USP6NL: variants seen among roughly 807,000 people sequenced by gnomAD.
USP6NL encodes USP6 N-terminal-like protein.
In USP6NL, 26 loss-of-function variants were observed where a neutral mutation model predicts 61.9. That is an observed-to-expected ratio of 0.42 (90% CI 0.31 to 0.58). The LOEUF (loss-of-function observed/expected upper bound fraction) is 0.58, where lower values mean the gene tolerates loss of function less well. USP6NL is among the 20% of genes least tolerant of loss of function. The pLI is 0.16. For synonymous variants in USP6NL, 432 were observed against 390.1 expected, an observed-to-expected ratio of 1.11 and a Z score of -1.27; for missense variants, 1,114 against 1,034.3, an observed-to-expected ratio of 1.08 and a Z score of -1.06.
chr10:11,507,768 G>A (rs559413096), intron 6 of USP6NL, among the ~76,000 whole-genome samples: 3 of 152,238 alleles, frequency 2.0e-5, no homozygotes, highest in South Asian at 4.1e-4. Flanking sequence ...CATACTGACT[G>A]CATACTAAAC....
chr10:11,603,680 A>G (rs1471520917), intron 1 of USP6NL, among the ~76,000 whole-genome samples: 2 of 152,244 alleles, frequency 1.3e-5, no homozygotes, highest in African/African-American at 4.8e-5. Flanking sequence ...ATATTAATTC[A>G]GCTCCACAAC....
rs1197297751 is a variant in USP6NL at position 11,587,690 on chromosome 10, C to A, written c.4+9941G>T. The stretch of plus-strand genomic sequence containing the variant: ...CGATTCAATACTGCTATACTTTATA[C>A]CTTCATAGCATTTGTTCAGTAGCAT... On this transcript the variant is annotated intron_variant, in intron 2 of 14. Coordinates refer to ENST00000609104, the MANE Select transcript of USP6NL (RefSeq NM_014688.5). The surrounding 1 kb of genome is among the most constrained non-coding windows in gnomAD (Gnocchi z 4.5). 6.6e-6 allele frequency among the ~76,000 whole-genome samples: 1 copy of A among 152,130 alleles called. No homozygotes were observed. The highest frequency in any genetic ancestry group is 1.5e-5 in the Non-Finnish European group (1 of 68,016).
chr10:11,562,939 A>ATT lies in USP6NL; in HGVS notation c.4+34690_4+34691dup. The stretch of plus-strand genomic sequence containing the variant: ...CTATCCCACAGAAATAAAAATTTAT[A>ATT]TTTATGTCGACACAAAAATCTGAAT... On this transcript the variant is annotated intron_variant, in intron 2 of 14. Transcript: ENST00000609104. This position sits in a 1 kb window ranked among gnomAD's most constrained non-coding sequence, Gnocchi z 4.8. 4.2e-6 allele frequency: 1 copy of ATT among 235,526 alleles called. No homozygotes were observed. Among genetic ancestry groups the ATT allele is most frequent in the Non-Finnish European group, 6.9e-6 (1 of 144,288 alleles). 14.6% of individuals were successfully genotyped at this position (235,526 alleles called of 1,614,324 possible). A position where few individuals can be genotyped will look rare whatever the true frequency, so the allele number is the denominator to read the frequency against.
At position 11,463,767 on chromosome 10, in the gene USP6NL, G is replaced by A. The variant is rs200104973; in HGVS notation, c.1161C>T (p.Asn387=). The change falls in exon 15 of 15, where the codon AAC becomes AAT. Residue 387 remains asparagine, a synonymous_variant. Coordinates refer to ENST00000609104, the MANE Select transcript of USP6NL (RefSeq NM_014688.5). This position sits in a 1 kb window ranked among gnomAD's most constrained non-coding sequence, Gnocchi z 6.3. ...TCGGCCGGCCCACGCTCCTCTGTCC[G>A]TTGCTCAAGTGATGGACGCCCCAAG... is the stretch of plus-strand genomic sequence containing the variant. The part of the protein sequence containing the change: ...LQSWGVHHLS[N]GQRSVGRPSP... The A allele has an allele frequency of 1.4e-4, 216 of 1,555,010 alleles. No homozygotes were observed. In the African/African-American group the frequency reaches 2.4e-3, roughly 17 times the overall value.
intron 2 of USP6NL, among the ~76,000 whole-genome samples, chr10:11,572,738 A>T (rs909063795): frequency 6.6e-6 from 1 of 152,102 alleles, no homozygotes; most frequent in African/African-American, 2.4e-5. Flanking sequence ...TGCTTAATAC[A>T]TGTGAATGCT....
intron 2 of USP6NL, among the ~76,000 whole-genome samples, chr10:11,541,199 ATTTAT>A (rs1186145300): frequency 2.1e-5 from 3 of 140,856 alleles, no homozygotes; most frequent in Non-Finnish European, 4.6e-5. Context: ...AATAAGTAAG[ATTTAT>A]TTTATATAAC....
At position 11,589,748 on chromosome 10, in the gene USP6NL, C is replaced by T. The variant is rs557907148; in HGVS notation, c.4+7883G>A. 1.1e-4 allele frequency among the ~76,000 whole-genome samples: 17 copies of T among 152,292 alleles called. No homozygotes were observed. The highest frequency in any genetic ancestry group is 3.9e-4 in the African/African-American group (16 of 41,552). On this transcript the variant is annotated intron_variant, in intron 2 of 14. Transcript: ENST00000609104. The surrounding 1 kb of genome is among the most constrained non-coding windows in gnomAD (Gnocchi z 4.7). ...GTATTTTTAAAAAGACATTGTGACG[C>T]CAAATGCCCCACAATATAAATGTTA...
Position 11,511,766 on chromosome 10 carries a change from A to T in USP6NL, c.196-2091T>A, listed in dbSNP as rs896188652. ...ACACACACATACACATACAAAAAAAATTAAGGATCATTAAGTATGCTTTTC... is the reference window on the plus strand; with the variant it reads ...ACACACACATACACATACAAAAAAATTTAAGGATCATTAAGTATGCTTTTC... On this transcript the variant is annotated intron_variant, in intron 5 of 14. Transcript: ENST00000609104. The surrounding 1 kb of genome is among the most constrained non-coding windows in gnomAD (Gnocchi z 4.9). 1.3e-5 allele frequency among the ~76,000 whole-genome samples: 2 copies of T among 152,102 alleles called. No individual in the cohort carries two copies. Among genetic ancestry groups the T allele is most frequent in the African/African-American group, 2.4e-5 (1 of 41,438 alleles).
chr10:11,588,898 G>A (rs992756074), intron 2 of USP6NL, among the ~76,000 whole-genome samples: 1 of 152,174 alleles, frequency 6.6e-6, no homozygotes, highest in African/African-American at 2.4e-5. Flanking sequence ...CCAGATAGTA[G>A]AAGTAGAGTT....
At chr10:11,603,061 T>G (rs1311851151) in intron 1 of USP6NL, among the ~76,000 whole-genome samples, 1 of 152,242 alleles carries the variant, frequency 6.6e-6, no homozygotes, top group African/African-American at 2.4e-5. Context: ...GAGGTTTGTT[T>G]ACGCTATTCA....
chr10:11,515,406 T>C (rs1834911725), intron 5 of USP6NL, among the ~76,000 whole-genome samples: 1 of 152,242 alleles, frequency 6.6e-6, no homozygotes. Flanking sequence ...CTGCGTATTG[T>C]GATATAATGA....
intron 14 of USP6NL, among the ~76,000 whole-genome samples, chr10:11,479,123 C>T (rs1833084548): frequency 1.3e-5 from 2 of 152,094 alleles, no homozygotes; most frequent in African/African-American, 4.8e-5. Context: ...GCACTGAAAA[C>T]ATATAAATGT....
At chr10:11,556,830 T>G (rs1226905587) in intron 2 of USP6NL, among the ~76,000 whole-genome samples, 1 of 152,190 alleles carries the variant, frequency 6.6e-6, no homozygotes, top group Non-Finnish European at 1.5e-5. Context: ...TTGTAATACA[T>G]AGAGAGGTCA....
chr10:11,592,079 C>T lies in USP6NL; in HGVS notation c.4+5552G>A, dbSNP rs1337215838. On this transcript the variant is annotated intron_variant, in intron 2 of 14. Transcript: ENST00000609104. The surrounding 1 kb of genome is among the most constrained non-coding windows in gnomAD (Gnocchi z 4.7). ...TAGAGACGGGGTTTCACCATGTTGG[C>T]CAGGCTGGTCTTGAACTCCTGACCT... 2.0e-5 allele frequency among the ~76,000 whole-genome samples: 3 copies of T among 152,116 alleles called. No homozygotes were observed. The highest frequency in any genetic ancestry group is 4.4e-5 in the Non-Finnish European group (3 of 68,018).
chr10:11,566,841 G>C (rs1328440968), intron 2 of USP6NL, among the ~76,000 whole-genome samples: 1 of 152,258 alleles, frequency 6.6e-6, no homozygotes, highest in African/African-American at 2.4e-5. Context: ...GCGGGGCACA[G>C]TGGCTCACGC....
rs1834076002 is a variant in USP6NL, at chr10:11,499,315, T to C, written c.384+1786A>G. Reference sequence around the variant, plus strand: ...GAAGGTACTGGCAGGCAAGTCATTCTTTTGTTGTAGTTGCTGTCAGATTTT... The same window carrying C: ...GAAGGTACTGGCAGGCAAGTCATTCCTTTGTTGTAGTTGCTGTCAGATTTT... On this transcript the variant is annotated intron_variant, in intron 7 of 14. Coordinates refer to ENST00000609104, the MANE Select transcript of USP6NL (RefSeq NM_014688.5). The surrounding 1 kb of genome is among the most constrained non-coding windows in gnomAD (Gnocchi z 4.5). Among the ~76,000 whole-genome samples the C allele has an allele frequency of 6.6e-6, 1 of 152,246 alleles. No individual in the cohort carries two copies. The highest frequency in any genetic ancestry group is 2.4e-5 in the African/African-American group (1 of 41,464).
At chr10:11,472,318 C>A (rs1044350689) in intron 14 of USP6NL, among the ~76,000 whole-genome samples, 1 of 152,228 alleles carries the variant, frequency 6.6e-6, no homozygotes, top group African/African-American at 2.4e-5. Context: ...TGATCTTACT[C>A]TGGTCTCTGT....
chr10:11,590,043 C>T (rs909525856), intron 2 of USP6NL, among the ~76,000 whole-genome samples: 15 of 152,100 alleles, frequency 9.9e-5, no homozygotes, highest in African/African-American at 3.6e-4. Flanking sequence ...AACTTCTGGG[C>T]CACATTCATG....
intron 2 of USP6NL, among the ~76,000 whole-genome samples, chr10:11,568,017 C>T (rs1165380639): frequency 6.6e-6 from 1 of 152,110 alleles, no homozygotes; most frequent in Non-Finnish European, 1.5e-5. Context: ...TTTCATTAAA[C>T]CACTCACGTA....
Sources: gnomAD v4.1 joint callset for allele counts (sites outside exome capture counted in the v4.1 genomes callset) on GRCh38, gnomAD v4.1.1 for gene constraint, Gnocchi (gnomAD v3.1) non-coding constraint, MANE v1.5 for transcripts, NCBI Gene and HGNC (gene_info 2026-07-23, HGNC 2026-07-21) for gene names.